Variants in TMEM235 observed in about 807,000 individuals in gnomAD.
The protein encoded by TMEM235 is transmembrane protein 235, also known as claudin-27.
TMEM235 carries 23 observed loss-of-function variants against 22.9 expected under a neutral mutation model. The ratio of observed to expected loss-of-function variants is 1.00; its 90% confidence interval spans 0.72 to 1.42. The LOEUF is 1.42. Among genes scored for constraint, TMEM235 ranks in the 40% most tolerant of loss-of-function variants. The pLI is 0.00. For missense variants in TMEM235, 308 were observed against 299.5 expected (o/e 1.03, Z -0.21); for synonymous variants, 137 against 140.5 (o/e 0.98, Z 0.17).
At chr17:78,234,224 G>A (rs777382346) in intron 3 of TMEM235, 5 of 696,496 alleles carry the variant, frequency 7.2e-6, no homozygotes, top group African/African-American at 1.8e-5. Context: ...TTTGTTATTG[G>A]GGAAGCCAGG....
exon 6 of TMEM235, chr17:78,240,260 CT>C: frequency 3.2e-6 from 1 of 316,670 alleles, no homozygotes; most frequent in Admixed American, 4.0e-5. Context: ...CCTTGCCTGC[CT>C]CAAAGGGGGC....
At chr17:78,239,757 A>G in intron 5 of TMEM235, 23 bp from the exon 5 acceptor site, 1 of 1,530,684 alleles carries the variant, frequency 6.5e-7, no homozygotes, top group African/African-American at 1.4e-5. Flanking sequence ...CTACTCAATG[A>G]CTACCCTTTA....
chr17:78,234,071 A>G, intron 3 of TMEM235, 96 bp downstream of exon 2: 1 of 1,140,628 alleles, frequency 8.8e-7, no homozygotes, highest in South Asian at 1.5e-5. Context: ...CACTGCTTCC[A>G]CTGCCCCTGC....
chr17:78,234,920 G>A (rs1302671356), intron 4 of TMEM235, among the ~76,000 whole-genome samples, 190 bp downstream of exon 3: 1 of 152,200 alleles, frequency 6.6e-6, no homozygotes, highest in Non-Finnish European at 1.5e-5. Context: ...TTGTTCTCAC[G>A]TTGCTATAAA....
At chr17:78,235,505 T>G (rs532722530) in intron 4 of TMEM235, among the ~76,000 whole-genome samples, 2 of 152,074 alleles carry the variant, frequency 1.3e-5, no homozygotes, top group African/African-American at 4.8e-5. Flanking sequence ...GAGGCTGGTC[T>G]TGAACTCCTG....
exon 2 of TMEM235, chr17:78,231,932 G>A (rs2076584475): frequency 9.2e-6 from 8 of 873,076 alleles, no homozygotes; most frequent in Admixed American, 6.7e-5. Context: ...GCGCCCGCCC[G>A]CCCCCCGTCC....
At chr17:78,236,454 G>GAGTGCTGGCCA (rs1327384564) in intron 4 of TMEM235, among the ~76,000 whole-genome samples, 1 of 152,208 alleles carries the variant, frequency 6.6e-6, no homozygotes, top group East Asian at 1.9e-4. Flanking sequence ...ACTACATGCC[G>GAGTGCTGGCCA]AGTGCTGGCC....
At chr17:78,240,052 G>A (rs887008658) in exon 6 of TMEM235, 15 of 1,470,210 alleles carry the variant, frequency 1.0e-5, no homozygotes, top group Non-Finnish European at 1.4e-5. Flanking sequence ...CTTCCGGGAA[G>A]AGCAGGCACC....
Position 78,237,821 on chromosome 17 carries a change from T to C in TMEM235, c.410-1203T>C, listed in dbSNP as rs986325172. Among the ~76,000 whole-genome samples the C allele has an allele frequency of 2.0e-5, 3 of 152,154 alleles. No homozygotes were observed. The highest frequency in any genetic ancestry group is 2.9e-5 in the Non-Finnish European group (2 of 68,012). ...GCCCAGCCGGGCAGGCATCCGTGTG[T>C]CCTCCCTCCCTCAGCCTCCCCATGC... On this transcript the variant is annotated intron_variant, in intron 4 of 5. Transcript: ENST00000421688. This position sits in a 1 kb window ranked among gnomAD's most constrained non-coding sequence, Gnocchi z 4.7.
rs374568034 is a variant in TMEM235 at position 78,239,831 on chromosome 17, C to T, written c.*39C>T. On this transcript the variant is annotated 3_prime_UTR_variant, in exon 6 of 6. Transcript: ENST00000421688. ...AGAGGGACCCACCCAGATCGCCTGGCGCCAGAGAGATGCCGTCTCAGGCCA... is the reference window on the plus strand; with the variant it reads ...AGAGGGACCCACCCAGATCGCCTGGTGCCAGAGAGATGCCGTCTCAGGCCA... 7.2e-5 allele frequency: 112 copies of T among 1,551,400 alleles called. No homozygotes were observed. The African/African-American group carries it at 1.0e-3, about 14-fold the overall frequency.
At chr17:78,234,491 C>T in intron 3 of TMEM235, 102 bp from the exon 3 acceptor site, 1 of 1,496,776 alleles carries the variant, frequency 6.7e-7, no homozygotes, top group Non-Finnish European at 9.0e-7. Context: ...GCGTCAGCCG[C>T]TTTTCCTGAG....
At chr17:78,234,185 T>C in intron 3 of TMEM235, 1 of 704,184 alleles carries the variant, frequency 1.4e-6, no homozygotes, top group Non-Finnish European at 2.6e-6. Flanking sequence ...CCTGTCTCAG[T>C]TTCCCTCTCA....
chr17:78,239,168 G>T, exon 5 of TMEM235: 1 of 1,543,004 alleles, frequency 6.5e-7, no homozygotes, highest in Non-Finnish European at 8.7e-7. Flanking sequence ...TGGGGCTCCT[G>T]TGCCTTGGAG....
chr17:78,234,147 G>C, intron 3 of TMEM235, 172 bp downstream of exon 2: 1 of 706,794 alleles, frequency 1.4e-6, no homozygotes, highest in East Asian at 2.7e-5. Flanking sequence ...AACCACAGGT[G>C]CCCAGCTCCC....
Position 78,239,243 on chromosome 17 carries a change from G to A in TMEM235, c.629G>A (p.Gly210Asp), listed in dbSNP as rs1203083801. 5 of 1,542,244 alleles carry A rather than the reference G, an allele frequency of 3.2e-6. No individual in the cohort carries two copies. In the South Asian group the frequency reaches 3.6e-5, roughly 11 times the overall value. Reference sequence around the variant, plus strand: ...CTCAGCCTGAGCCCCCCAATCTGTGGTCATCTGAGTCCCCAGCAGGTGGGA... The same window carrying A: ...CTCAGCCTGAGCCCCCCAATCTGTGATCATCTGAGTCCCCAGCAGGTGGGA... Residue 210 changes from glycine to aspartate, a missense_variant, in exon 5 of 6, where the codon GGT (glycine) becomes GAT (aspartate). Coordinates refer to ENST00000421688, the Ensembl canonical transcript of TMEM235.
chr17:78,239,852 G>A, exon 6 of TMEM235: 8 of 1,551,546 alleles, frequency 5.2e-6, no homozygotes, highest in South Asian at 1.2e-5. Context: ...TGCCGTCTCA[G>A]GCCAAGGCCT....
exon 2 of TMEM235, chr17:78,231,873 C>T: frequency 8.8e-7 from 1 of 1,139,460 alleles, no homozygotes; most frequent in Non-Finnish European, 1.1e-6. Flanking sequence ...CCCGCGAGGC[C>T]AGTGCGCGGG....
exon 2 of TMEM235, chr17:78,231,782 C>T (rs2076582274): frequency 3.3e-6 from 4 of 1,221,124 alleles, no homozygotes; most frequent in East Asian, 5.9e-5. Flanking sequence ...CCGCGCGGCT[C>T]TCGACTTCCT....
chr17:78,231,294 C>T, upstream of TMEM235: 1 of 858,522 alleles, frequency 1.2e-6, no homozygotes, highest in Non-Finnish European at 1.6e-6. Flanking sequence ...CCCACCCCCA[C>T]TGGCACCCCA....
Sources: gnomAD v4.1 joint callset for allele counts (sites outside exome capture counted in the v4.1 genomes callset) on GRCh38, gnomAD v4.1.1 for gene constraint, Gnocchi (gnomAD v3.1) non-coding constraint, MANE v1.5 for transcripts, NCBI Gene and HGNC (gene_info 2026-07-23, HGNC 2026-07-21) for gene names.